Variants in CADM1 observed in about 807,000 individuals in gnomAD.
CADM1 encodes the protein TSLC-1.
Under a neutral mutation model 53.1 loss-of-function variants are expected in CADM1, and 15 were observed. The ratio of observed to expected loss-of-function variants is 0.28; its 90% CI spans 0.19 to 0.44. The LOEUF is 0.44. CADM1 is among the 20% of genes least tolerant of loss of function. The pLI is 1.00. For synonymous variants in CADM1, 281 were observed against 243.0 expected, an observed-to-expected ratio of 1.16 and a Z score of -1.45; for missense variants, 434 against 611.3, an observed-to-expected ratio of 0.71 and a Z score of 3.06.
At chr11:115,339,812 A>G (rs1945376956) in intron 1 of CADM1, among the ~76,000 whole-genome samples, 1 of 152,318 alleles carries the variant, frequency 6.6e-6, no homozygotes, top group South Asian at 2.1e-4. Flanking sequence ...AGCACAGAAT[A>G]AGTAAATCCA....
rs996249772 is a variant in CADM1, at chr11:115,238,746, T to C, written c.272-94A>G. On this transcript the variant is annotated intron_variant, in intron 2 of 11. Transcript: ENST00000331581. Reference sequence around the variant, plus strand: ...TATTACATCTTGCTGTATCTGATACTTCTTGACTTACTATTTTGGGTGTTT... The same window carrying C: ...TATTACATCTTGCTGTATCTGATACCTCTTGACTTACTATTTTGGGTGTTT... The C allele has an allele frequency of 5.3e-6, 7 of 1,322,030 alleles. No homozygotes were observed. In the African/African-American group the frequency reaches 1.0e-4, roughly 19 times the overall value. 81.9% of individuals were successfully genotyped at this position (1,322,030 alleles called of 1,614,324 possible).
intron 1 of CADM1, among the ~76,000 whole-genome samples, chr11:115,316,627 T>A (rs545255760): frequency 3.2e-4 from 48 of 152,272 alleles, no homozygotes; most frequent in South Asian, 8.3e-4. Context: ...CCGTGAATAG[T>A]CATTTTGAGC....
intron 1 of CADM1, among the ~76,000 whole-genome samples, chr11:115,340,660 T>TATATATTTA (rs1414195587): frequency 6.9e-5 from 3 of 43,438 alleles, no homozygotes; most frequent in African/African-American, 3.2e-4. Context: ...ATATATATAT[T>TATATATTTA]TTTTTTTTTT....
intron 1 of CADM1, among the ~76,000 whole-genome samples, chr11:115,296,557 G>T (rs1216847849): frequency 6.6e-6 from 1 of 152,082 alleles, no homozygotes. Flanking sequence ...CACTCTTCAG[G>T]TTTCCTCCTC....
At position 115,371,539 on chromosome 11, in the gene CADM1, AAGAAAT is replaced by A. The variant is rs555230615; in HGVS notation, c.125-131125_125-131120del. Among the ~76,000 whole-genome samples, 1,295 of 152,288 alleles carry A rather than the reference AAGAAAT, an allele frequency of 8.5e-3. 17 individuals are homozygous for A. Among genetic ancestry groups the A allele is most frequent in the African/African-American group, 0.028 (1,155 of 41,562 alleles). ...ACAAAGAGCAGATGAGACAAATAAA[AAGAAAT>A]AGTAAGATAATTTAAAAATTAATCA... On this transcript the variant is annotated intron_variant, in intron 1 of 11. Coordinates refer to ENST00000331581, the MANE Select transcript of CADM1 (RefSeq NM_001301043.2).
intron 1 of CADM1, among the ~76,000 whole-genome samples, chr11:115,391,925 G>A (rs1033624644): frequency 1.3e-5 from 2 of 152,148 alleles, no homozygotes; most frequent in East Asian, 1.9e-4. Context: ...TCCTAAAAAG[G>A]AGATCACCCA....
intron 1 of CADM1, among the ~76,000 whole-genome samples, chr11:115,263,557 G>C (rs910756051): frequency 1.3e-5 from 2 of 152,114 alleles, no homozygotes; most frequent in African/African-American, 4.8e-5. Flanking sequence ...GAAGACATTT[G>C]TCTTTCCTCC....
chr11:115,210,114 C>CT (rs1354324257), intron 7 of CADM1, among the ~76,000 whole-genome samples: 1 of 152,204 alleles, frequency 6.6e-6, no homozygotes, highest in Non-Finnish European at 1.5e-5. Flanking sequence ...CACTTGCTCT[C>CT]TGTGACTGTT....
At chr11:115,191,183 G>T in intron 9 of CADM1, 1 of 477,850 alleles carries the variant, frequency 2.1e-6, no homozygotes, top group African/African-American at 1.9e-5. Flanking sequence ...GAAACATGAA[G>T]GTGAATGCTT....
intron 1 of CADM1, among the ~76,000 whole-genome samples, chr11:115,345,602 T>C (rs907551687): frequency 6.6e-6 from 1 of 152,198 alleles, no homozygotes; most frequent in African/African-American, 2.4e-5. Context: ...AGCTGGATAG[T>C]GTGTAGGATT....
intron 1 of CADM1, 73 bp downstream of exon 1, chr11:115,504,197 TC>T: frequency 1.9e-6 from 3 of 1,548,158 alleles, no homozygotes; most frequent in East Asian, 2.4e-5. Flanking sequence ...TGGAAACGTT[TC>T]CCCCCTCTGT....
chr11:115,428,958 C>A (rs956032761), intron 1 of CADM1, among the ~76,000 whole-genome samples: 1 of 152,142 alleles, frequency 6.6e-6, no homozygotes, highest in Admixed American at 6.5e-5. Flanking sequence ...AGGCCCAGTA[C>A]GTGGCAAGCC....
intron 1 of CADM1, among the ~76,000 whole-genome samples, chr11:115,346,108 A>AC (rs11379776): frequency 1 from 152,238 of 152,238 alleles, 76,119 homozygotes; most frequent in Non-Finnish European, 1. Flanking sequence ...TTTTCCAGAG[A>AC]CTTCGGTTTG....
intron 1 of CADM1, among the ~76,000 whole-genome samples, chr11:115,456,360 T>G (rs2135362331): frequency 6.6e-6 from 1 of 152,226 alleles, no homozygotes; most frequent in East Asian, 1.9e-4. Flanking sequence ...ATTTAGATTC[T>G]ACATACTTGA....
chr11:115,209,744 G>A lies in CADM1; in HGVS notation c.995-87C>T. On this transcript the variant is annotated intron_variant, in intron 7 of 11. Transcript: ENST00000331581. ...GACAAAACAAAGGCATGAGGACATT[G>A]AGATGTTTGTTTGATGGCTTCCCCC... The A allele has an allele frequency of 5.9e-6, 9 of 1,515,232 alleles. No individual in the cohort carries two copies. The South Asian group carries it at 7.5e-5, about 13-fold the overall frequency. 93.9% of individuals were successfully genotyped at this position (1,515,232 alleles called of 1,614,324 possible).
At chr11:115,350,870 A>G (rs1396445995) in intron 1 of CADM1, among the ~76,000 whole-genome samples, 1 of 151,728 alleles carries the variant, frequency 6.6e-6, no homozygotes, top group African/African-American at 2.4e-5. Context: ...TAAAATCGCT[A>G]TCATGGATTA....
chr11:115,446,347 G>GA (rs200248532), intron 1 of CADM1, among the ~76,000 whole-genome samples: 5,553 of 152,278 alleles, frequency 0.036, 155 homozygotes, highest in Middle Eastern at 0.1. Flanking sequence ...TTTTGGGTCT[G>GA]AGTCCACAGT....
intron 9 of CADM1, among the ~76,000 whole-genome samples, chr11:115,198,154 C>G (rs1940250915): frequency 6.6e-6 from 1 of 152,228 alleles, no homozygotes; most frequent in Non-Finnish European, 1.5e-5. Context: ...CTCTGTGCCA[C>G]TGAAACTCCT....
At chr11:115,354,856 A>G (rs1336392453) in intron 1 of CADM1, among the ~76,000 whole-genome samples, 1 of 152,164 alleles carries the variant, frequency 6.6e-6, no homozygotes, top group Non-Finnish European at 1.5e-5. Flanking sequence ...CAAATTAGTA[A>G]TAATTAACTT....
Sources: gnomAD v4.1 joint callset for allele counts (sites outside exome capture counted in the v4.1 genomes callset) on GRCh38, gnomAD v4.1.1 for gene constraint, MANE v1.5 for transcripts, NCBI Gene and HGNC (gene_info 2026-07-23, HGNC 2026-07-21) for gene names.